DSG3: variants seen among roughly 807,000 people sequenced by gnomAD.
DSG3 encodes the protein desmoglein 3.
DSG3 carries 63 observed loss-of-function variants against 85.9 expected under a neutral mutation model. The ratio of observed to expected loss-of-function variants is 0.73; its 90% confidence interval spans 0.60 to 0.90. The LOEUF (loss-of-function observed/expected upper bound fraction) is 0.90, where lower values mean the gene tolerates loss of function less well. Ranked by LOEUF, DSG3 falls within the 40% of genes least tolerant of loss-of-function variation. The probability of loss-of-function intolerance (pLI) is 0.00; values close to 1 mark genes in which losing one functional copy is unlikely to be tolerated. For missense variants in DSG3, 1,220 were observed against 1,219.9 expected, an observed-to-expected ratio of 1.00 and a Z score of 0.00; for synonymous variants, 447 against 441.9, an observed-to-expected ratio of 1.01 and a Z score of -0.14.
chr18:31,475,272 T>A (rs946878139), intron 15 of DSG3, among the ~76,000 whole-genome samples: 2 of 152,130 alleles, frequency 1.3e-5, no homozygotes, highest in Non-Finnish European at 2.9e-5. Flanking sequence ...TCTGACCTAG[T>A]ATCCAAGCAG....
chr18:31,450,098 T>TTTTTA (rs2072702285), intron 1 of DSG3, among the ~76,000 whole-genome samples: 1 of 152,216 alleles, frequency 6.6e-6, no homozygotes, highest in African/African-American at 2.4e-5. Context: ...TTATATGTGG[T>TTTTTA]TCGCATTTGT....
rs1179960559 is a variant in DSG3 at position 31,463,609 on chromosome 18, C to T, written c.1000-502C>T. On this transcript the variant is annotated intron_variant, in intron 8 of 15. Coordinates refer to ENST00000257189, the MANE Select transcript of DSG3 (RefSeq NM_001944.3). ...AGAATTTTTAAAGTCAGGAAAGATA[C>T]CATTGTACATAAATCCAGTGAAGAT... Among the ~76,000 whole-genome samples, 3 of 152,098 alleles carry T rather than the reference C, an allele frequency of 2.0e-5. No homozygotes were observed. In the East Asian group the frequency reaches 5.8e-4, roughly 29 times the overall value.
At position 31,458,249 on chromosome 18, in the gene DSG3, G is replaced by A. The variant is rs140844044; in HGVS notation, c.217-196G>A. Among the ~76,000 whole-genome samples the A allele has an allele frequency of 5.4e-3, 821 of 152,162 alleles. 5 individuals are homozygous for A. The highest frequency in any genetic ancestry group is 0.019 in the African/African-American group (775 of 41,510). On this transcript the variant is annotated intron_variant, in intron 3 of 15. Transcript: ENST00000257189. ...ACTAAAATGATTAGTGCACATCATT[G>A]GTTCAGGCTGGTTGTCAAAAACAAC...
At chr18:31,464,049 T>C (rs968683724) in intron 8 of DSG3, 62 bp from the exon 9 acceptor site, 1 of 1,482,720 alleles carries the variant, frequency 6.7e-7, no homozygotes, top group African/African-American at 1.4e-5. Context: ...GCTGTCATCA[T>C]CTACTGGGTT....
intron 11 of DSG3, among the ~76,000 whole-genome samples, chr18:31,468,184 C>T (rs1406483964): frequency 1.3e-5 from 2 of 152,224 alleles, no homozygotes; most frequent in African/African-American, 2.4e-5. Context: ...ACAGTCTATG[C>T]TCAGGACTCA....
In DSG3 at chr18:31,466,666, G is replaced by A. The variant is rs1025859492; in HGVS notation, c.1548G>A (p.Leu516=). The A allele has an allele frequency of 6.2e-7, 1 of 1,614,060 alleles. No homozygotes were observed. Among genetic ancestry groups the A allele is most frequent in the African/African-American group, 1.3e-5 (1 of 74,916 alleles). The part of the protein sequence containing the change: ...SPSVVVSART[L]NNRYTGPYTF... ...CCGTGGTTGTCTCCGCTAGAACACTGAATAATAGATACACTGGCCCCTATA... is the reference window on the plus strand; with the variant it reads ...CCGTGGTTGTCTCCGCTAGAACACTAAATAATAGATACACTGGCCCCTATA... Residue 516 remains leucine (L), a synonymous_variant, in exon 11 of 16, where the codon CTG becomes CTA. Transcript: ENST00000257189.
At chr18:31,469,804 A>T (rs1301285696) in intron 12 of DSG3, among the ~76,000 whole-genome samples, 1 of 152,128 alleles carries the variant, frequency 6.6e-6, no homozygotes, top group Non-Finnish European at 1.5e-5. Flanking sequence ...ATATCACCAC[A>T]TGCTATTAAT....
rs200551780 is a variant in DSG3, at chr18:31,466,536, C to A, written c.1418C>A (p.Thr473Lys). 14 of 1,613,422 alleles carry A rather than the reference C, an allele frequency of 8.7e-6. No homozygotes were observed. The Middle Eastern group carries it at 9.9e-4, about 114-fold the overall frequency. ...TAAAACATTGTTCTTACAGAATACA[C>A]GGGTAAAACTTCTACAGGCACGGTA... ...TAEVLAIDEY[T>K]GKTSTGTVYV... The change falls in exon 11 of 16, where the codon ACG (threonine) becomes AAG (lysine). Residue 473 changes from threonine (T) to lysine (K), a missense_variant. Thr to Lys is a moderately conservative substitution (Grantham distance 78, BLOSUM62 -1). Coordinates refer to ENST00000257189, the MANE Select transcript of DSG3 (RefSeq NM_001944.3).
rs2072875551 is a variant in DSG3, at chr18:31,474,536, T to G, written c.2385+132T>G. 7 of 1,197,298 alleles carry G rather than the reference T, an allele frequency of 5.8e-6. No homozygotes were observed. The South Asian group carries it at 9.4e-5, about 16-fold the overall frequency. The allele number at this position is 1,197,298 out of a possible 1,614,324, so 74.2% of individuals were successfully genotyped here. A position where few individuals can be genotyped will look rare whatever the true frequency, so the allele number is the denominator to read the frequency against. ...ATGCAAGAAAAAAATGGTTTGTTTGTTTTTTGCCAAAATAATACAGATAAC... is the reference window on the plus strand; with the variant it reads ...ATGCAAGAAAAAAATGGTTTGTTTGGTTTTTGCCAAAATAATACAGATAAC... On this transcript the variant is annotated intron_variant, in intron 15 of 15. Coordinates refer to ENST00000257189, the MANE Select transcript of DSG3 (RefSeq NM_001944.3).
In DSG3 at chr18:31,447,859, A is replaced by G; in HGVS notation, c.-19A>G. Reference sequence around the variant, plus strand: ...AGCAGCGGCTCACTTGGACTTTTTCACCAGGGAAATCAGAGACAATGATGG... The same window carrying G: ...AGCAGCGGCTCACTTGGACTTTTTCGCCAGGGAAATCAGAGACAATGATGG... On this transcript the variant is annotated 5_prime_UTR_variant, in exon 1 of 16. Coordinates refer to ENST00000257189, the MANE Select transcript of DSG3 (RefSeq NM_001944.3). The G allele has an allele frequency of 6.3e-7, 1 of 1,584,352 alleles. No individual in the cohort carries two copies. Among genetic ancestry groups the G allele is most frequent in the Non-Finnish European group, 8.6e-7 (1 of 1,168,386 alleles).
At chr18:31,462,644 A>G (rs551850677) in intron 8 of DSG3, among the ~76,000 whole-genome samples, 3 of 152,126 alleles carry the variant, frequency 2.0e-5, no homozygotes, top group Non-Finnish European at 4.4e-5. Context: ...CTTACCCTGA[A>G]TTGTGACATT....
Position 31,474,362 on chromosome 18 carries a change from T to C in DSG3, c.2343T>C (p.Asp781=), listed in dbSNP as rs770275876. ...GAGGAACCAATAAGGACTACGCTGATGGGGCGATAAGCATGAATTTTCTGG... is the reference window on the plus strand; with the variant it reads ...GAGGAACCAATAAGGACTACGCTGACGGGGCGATAAGCATGAATTTTCTGG... The part of the protein sequence containing the change: ...STGGTNKDYA[D]GAISMNFLDS... The change falls in exon 15 of 16, where the codon GAT becomes GAC. Residue 781 remains aspartate (D), a synonymous_variant. Coordinates refer to ENST00000257189, the MANE Select transcript of DSG3 (RefSeq NM_001944.3). 5.0e-6 allele frequency: 8 copies of C among 1,613,860 alleles called. No individual in the cohort carries two copies. In the South Asian group the frequency reaches 7.7e-5, roughly 16 times the overall value.
intron 8 of DSG3, among the ~76,000 whole-genome samples, chr18:31,463,384 T>G (rs1004147756): frequency 6.6e-6 from 1 of 152,222 alleles, no homozygotes. Context: ...TTGAATCATT[T>G]TTAGTGATAT....
rs372851025 is a variant in DSG3, at chr18:31,464,237, A to G, written c.1126A>G (p.Asn376Asp). 3.7e-6 allele frequency: 6 copies of G among 1,614,076 alleles called. No homozygotes were observed. In the Middle Eastern group the frequency reaches 4.9e-4, roughly 133 times the overall value. ...AACCCCAGTCACAATTCAGGTAATA[A>G]ATGTAAGAGAAGGAATTGCATTCCG... ...QSTPVTIQVI[N>D]VREGIAFRPA... is the part of the protein sequence containing the mutation. The change falls in exon 9 of 16, where the codon AAT (asparagine) becomes GAT (aspartate). Residue 376 changes from asparagine (N) to aspartate (D), a missense_variant. By Grantham distance (23) the Asn-to-Asp change is conservative. Coordinates refer to ENST00000257189, the MANE Select transcript of DSG3 (RefSeq NM_001944.3).
In DSG3 at chr18:31,469,110, C is replaced by A. The variant is rs2072839034; in HGVS notation, c.1658C>A (p.Ala553Asp). The A allele has an allele frequency of 6.2e-7, 1 of 1,614,164 alleles. No homozygotes were observed. The highest frequency in any genetic ancestry group is 1.1e-5 in the South Asian group (1 of 91,076). The change falls in exon 12 of 16, where the codon GCC (alanine) becomes GAC (aspartate). Residue 553 changes from alanine to aspartate, a missense_variant. Ala to Asp is a moderately radical substitution (Grantham distance 126). Transcript: ENST00000257189. ...TLNATSALLR[A>D]QEQIPPGVYH... ...ACAGCTACCTCGGCCCTCCTCAGAGCCCAGGAACAGATACCTCCTGGAGTA... is the reference window on the plus strand; with the variant it reads ...ACAGCTACCTCGGCCCTCCTCAGAGACCAGGAACAGATACCTCCTGGAGTA...
chr18:31,460,712 C>G, intron 6 of DSG3, 121 bp from the exon 7 acceptor site: 1 of 900,422 alleles, frequency 1.1e-6, no homozygotes, highest in Non-Finnish European at 1.6e-6. Flanking sequence ...CATCCAGAGT[C>G]CCACAAATGT....
intron 1 of DSG3, among the ~76,000 whole-genome samples, chr18:31,456,182 G>A (rs775753369): frequency 1.3e-5 from 2 of 152,178 alleles, no homozygotes; most frequent in Non-Finnish European, 2.9e-5. Flanking sequence ...TTTTTGCAAA[G>A]TCCAATAGGT....
intron 8 of DSG3, among the ~76,000 whole-genome samples, chr18:31,462,232 C>T (rs530303402): frequency 1.2e-4 from 18 of 152,012 alleles, no homozygotes; most frequent in Non-Finnish European, 2.4e-4. Context: ...CCATCATGCC[C>T]GGCTAATTTT....
At position 31,476,034 on chromosome 18, in the gene DSG3, C is replaced by T. The variant is rs2072885174; in HGVS notation, c.2774C>T (p.Pro925Leu). The change falls in exon 16 of 16, where the codon CCT (proline) becomes CTT (leucine). Residue 925 changes from proline (P) to leucine (L), a missense_variant. Transcript: ENST00000257189. Reference sequence around the variant, plus strand: ...CAGCCAGCTGTTTCCATCCCTGACCCTCTGCAGCATGGTAACTATTTAGTA... The same window carrying T: ...CAGCCAGCTGTTTCCATCCCTGACCTTCTGCAGCATGGTAACTATTTAGTA... ...SVQPAVSIPD[P>L]LQHGNYLVTE... The T allele has an allele frequency of 6.2e-7, 1 of 1,614,084 alleles. No homozygotes were observed. The highest frequency in any genetic ancestry group is 8.5e-7 in the Non-Finnish European group (1 of 1,180,054).
Sources: allele counts gnomAD v4.1 joint callset (sites outside exome capture counted in the v4.1 genomes callset), GRCh38; gene constraint gnomAD v4.1.1; transcripts MANE v1.5; gene names NCBI Gene and HGNC (gene_info 2026-07-23, HGNC 2026-07-21).